The following TREH variants were observed in gnomAD, a reference collection of about 807,000 sequenced individuals.
The protein encoded by TREH is alpha,alpha-trehalose glucohydrolase.
TREH carries 69 observed loss-of-function variants against 80.5 expected under a neutral mutation model. The observed-to-expected ratio is 0.86, with a 90% CI of 0.71 to 1.05. TREH has a LOEUF of 1.05. Ranked by LOEUF, TREH falls within the 50% of genes least tolerant of loss-of-function variation. TREH has a pLI of 0.00. For synonymous variants in TREH, 309 were observed against 293.5 expected (o/e 1.05, Z -0.54); for missense variants, 716 against 718.8 (o/e 1.00, Z 0.04).
At chr11:118,670,789 G>C (rs1949423456) in intron 1 of TREH, among the ~76,000 whole-genome samples, 1 of 152,140 alleles carries the variant, frequency 6.6e-6, no homozygotes, top group African/African-American at 2.4e-5. Context: ...AGTGGTCTTG[G>C]CAAAATATGG....
In TREH at chr11:118,661,230, T is replaced by C; in HGVS notation, c.787A>G (p.Thr263Ala). 4 of 1,613,938 alleles carry C rather than the reference T, an allele frequency of 2.5e-6. No homozygotes were observed. The highest frequency in any genetic ancestry group is 2.2e-5 in the East Asian group (1 of 44,872). Residue 263 changes from threonine to alanine, a missense_variant, in exon 8 of 15, where the codon ACT becomes GCT. Coordinates refer to ENST00000264029, the MANE Select transcript of TREH (RefSeq NM_007180.3). The surrounding 1 kb of genome is among the most constrained non-coding windows in gnomAD (Gnocchi z 4.2). ...TTTCCCTCCAAGCTCACAGAGACAG[T>C]CCTGTTCTTGGTCCAAAAGTCCAAT... ...LELDFWTKNR[T>A]VSVSLEGKNY...
At position 118,661,500 on chromosome 11, in the gene TREH, A is replaced by G. The variant is rs782792436; in HGVS notation, c.627T>C (p.His209=). The change falls in exon 7 of 15, where the codon CAT becomes CAC. Residue 209 remains histidine, a synonymous_variant. Coordinates refer to ENST00000264029, the MANE Select transcript of TREH (RefSeq NM_007180.3). This position sits in a 1 kb window ranked among gnomAD's most constrained non-coding sequence, Gnocchi z 4.2. ...NFLDLVKTYG[H]VPNGGRVYYL... ...AGTACACGCGCCCACCATTGGGGAC[A>G]TGCCCATAGCTGCCAAGGGGAAGGC... 4 of 1,613,422 alleles carry G rather than the reference A, an allele frequency of 2.5e-6. No homozygotes were observed. The African/African-American group carries it at 4.0e-5, about 16-fold the overall frequency.
rs1591822864 is a variant in TREH, at chr11:118,657,785, A to G, written c.*504T>C. 3.7e-5 allele frequency: 6 copies of G among 161,180 alleles called. No individual in the cohort carries two copies. Among genetic ancestry groups the G allele is most frequent in the South Asian group, 3.5e-4 (2 of 5,660 alleles). 10.0% of individuals were successfully genotyped at this position (161,180 alleles called of 1,614,324 possible). On this transcript the variant is annotated 3_prime_UTR_variant, in exon 15 of 15. Transcript: ENST00000264029. ...AGAGAGAAAGCCTGAGCAGGAGATG[A>G]TGCAGCAGAGGGGAAGGGCCCTGTG...
At position 118,660,556 on chromosome 11, in the gene TREH, T is replaced by C. The variant is rs782054608; in HGVS notation, c.1085A>G (p.Asn362Ser). 3.7e-6 allele frequency: 6 copies of C among 1,606,400 alleles called. No individual in the cohort carries two copies. Among genetic ancestry groups the C allele is most frequent in the South Asian group, 3.3e-5 (3 of 89,678 alleles). Residue 362 changes from asparagine to serine, a missense_variant, in exon 10 of 15, where the codon AAC (asparagine) becomes AGC (serine). Transcript: ENST00000264029. The stretch of plus-strand genomic sequence containing the variant: ...GTGCTCACCCAGCCTGGAATAGAAG[T>C]TGCTCATCAGCTCCTCTGCTTGGCA... ...FLCQAEELMS[N>S]FYSRLGNDSQ...
chr11:118,658,968 CA>C lies in TREH; in HGVS notation c.1481del (p.Leu494ArgfsTer51), dbSNP rs868956311. Reference protein sequence around the residue: ...LRRAQEVAFQLAQNWIRTNFD... With the variant: ...LRRAQEVAFQXAQNWIRTNFD... ...AATTGGTTCGGATCCAATTCTGAGCCAGCTGGAAAGCCACTTCCTGGGCCCG... is the reference window on the plus strand; with the variant it reads ...AATTGGTTCGGATCCAATTCTGAGCCGCTGGAAAGCCACTTCCTGGGCCCG... On this transcript the variant is annotated frameshift_variant, in exon 13 of 15. Transcript: ENST00000264029. LOFTEE classifies it high-confidence loss of function. 2 of 1,613,910 alleles carry C rather than the reference CA, an allele frequency of 1.2e-6. No individual in the cohort carries two copies. The highest frequency in any genetic ancestry group is 2.7e-5 in the African/African-American group (2 of 75,026).
rs782613056 is a variant in TREH, at chr11:118,659,378, A to G, written c.1424T>C (p.Val475Ala). The G allele has an allele frequency of 6.3e-7, 1 of 1,577,118 alleles. No homozygotes were observed. The highest frequency in any genetic ancestry group is 1.2e-5 in the South Asian group (1 of 84,662). ...PNAWAPLQDL[V>A]IRGLAKAPLR... The stretch of plus-strand genomic sequence containing the variant: ...CAGCCCTGCCTCCCTACCTCTGATG[A>G]CCAGGTCCTGCAGGGGGGCCCAGGC... Residue 475 changes from valine (V) to alanine (A), a missense_variant, in exon 12 of 15, where the codon GTC becomes GCC. Transcript: ENST00000264029.
intron 1 of TREH, among the ~76,000 whole-genome samples, chr11:118,669,863 ATTGT>A (rs1457355394): frequency 6.6e-6 from 1 of 152,220 alleles, no homozygotes; most frequent in African/African-American, 2.4e-5. Flanking sequence ...GTATAATCAG[ATTGT>A]TTGTAACACA....
At chr11:118,678,696 G>T (rs1298044642) in intron 1 of TREH, among the ~76,000 whole-genome samples, 1 of 150,894 alleles carries the variant, frequency 6.6e-6, no homozygotes, top group Non-Finnish European at 1.5e-5. Context: ...TCTTGCAGGA[G>T]CTGGTAAAGT....
At chr11:118,669,851 G>A (rs1393004875) in intron 1 of TREH, among the ~76,000 whole-genome samples, 1 of 152,164 alleles carries the variant, frequency 6.6e-6, no homozygotes, top group African/African-American at 2.4e-5. Context: ...ATAACTAAAA[G>A]AGTATAATCA....
At position 118,663,154 on chromosome 11, in the gene TREH, T is replaced by C; in HGVS notation, c.233A>G (p.Asn78Ser). 6.2e-7 allele frequency: 1 copy of C among 1,613,666 alleles called. No individual in the cohort carries two copies. Among genetic ancestry groups the C allele is most frequent in the Non-Finnish European group, 8.5e-7 (1 of 1,179,750 alleles). ...CAGCTGCTCCCTGGGGATGCTGTGATTGTGGTCCCTGGACAGCTCAGTGAA... is the reference window on the plus strand; with the variant it reads ...CAGCTGCTCCCTGGGGATGCTGTGACTGTGGTCCCTGGACAGCTCAGTGAA... ...QTFTELSRDH[N>S]HSIPREQLQA... Residue 78 changes from asparagine (N) to serine (S), a missense_variant, in exon 3 of 15, where the codon AAT becomes AGT. Coordinates refer to ENST00000264029, the MANE Select transcript of TREH (RefSeq NM_007180.3).
At position 118,658,060 on chromosome 11, in the gene TREH, T is replaced by C. The variant is rs1949222308; in HGVS notation, c.*229A>G. Reference sequence around the variant, plus strand: ...GGAAGGCCGGTGTGGGGCTTGGCGCTGAGGCACTTGGGGATAGGTCTTCCC... The same window carrying C: ...GGAAGGCCGGTGTGGGGCTTGGCGCCGAGGCACTTGGGGATAGGTCTTCCC... On this transcript the variant is annotated 3_prime_UTR_variant, in exon 15 of 15. Transcript: ENST00000264029. 1 of 584,492 alleles carries C rather than the reference T, an allele frequency of 1.7e-6. No individual in the cohort carries two copies. Among genetic ancestry groups the C allele is most frequent in the South Asian group, 2.5e-5 (1 of 40,084 alleles). The allele number at this position is 584,492 out of a possible 1,614,324, so 36.2% of individuals were successfully genotyped here.
chr11:118,670,815 C>T (rs74933918), intron 1 of TREH, among the ~76,000 whole-genome samples: 1,725 of 152,296 alleles, frequency 0.011, 43 homozygotes, highest in African/African-American at 0.04. Context: ...CCCTTTCAGG[C>T]GTCAAGTATA....
rs372020058 is a variant in TREH at position 118,658,707 on chromosome 11, G to A, written c.1572C>T (p.Pro524=). 3.9e-5 allele frequency: 63 copies of A among 1,602,562 alleles called. No individual in the cohort carries two copies. The South Asian group carries it at 4.6e-4, about 12-fold the overall frequency. The change falls in exon 14 of 15, where the codon CCC becomes CCT. Residue 524 remains proline, a synonymous_variant. Transcript: ENST00000264029. ...EKYDVSNGGQ[P]GGGGEYEVQE... is the part of the protein sequence containing the mutation. Reference sequence around the variant, plus strand: ...GAACTTCATATTCTCCTCCCCCACCGGGCTGTCCACCGTTGCTGACGTCAT... The same window carrying A: ...GAACTTCATATTCTCCTCCCCCACCAGGCTGTCCACCGTTGCTGACGTCAT...
At chr11:118,663,223 C>G (rs1433340101) in intron 2 of TREH, 27 bp from the exon 3 acceptor site, 5 of 1,580,564 alleles carry the variant, frequency 3.2e-6, no homozygotes, top group African/African-American at 1.3e-5. Flanking sequence ...AGGGAGGGGT[C>G]AGCAGGGTGT....
chr11:118,659,110 G>A (rs1949271131), intron 12 of TREH, 93 bp from the exon 13 acceptor site: 5 of 1,336,744 alleles, frequency 3.7e-6, no homozygotes, highest in South Asian at 1.3e-5. Context: ...AGGGAAAGAG[G>A]CCTGGGCCCT....
rs1555145221 is a variant in TREH, at chr11:118,662,841, T to C, written c.423+40A>G. 3 of 1,551,276 alleles carry C rather than the reference T, an allele frequency of 1.9e-6. No homozygotes were observed. The South Asian group carries it at 3.6e-5, about 18-fold the overall frequency. On this transcript the variant is annotated intron_variant, in intron 4 of 14. Coordinates refer to ENST00000264029, the MANE Select transcript of TREH (RefSeq NM_007180.3). ...CCCCAGGCACATTCCTCTCTTCAGT[T>C]CCCTTGGTCAGGCCTTGGGCAGGCC...
chr11:118,677,288 A>T (rs1361955140), intron 1 of TREH, among the ~76,000 whole-genome samples: 1 of 152,270 alleles, frequency 6.6e-6, no homozygotes, highest in Non-Finnish European at 1.5e-5. Flanking sequence ...GTGCTGTCAC[A>T]TGTTATTGCT....
Position 118,661,148 on chromosome 11 carries a change from C to G in TREH, c.857+12G>C, listed in dbSNP as rs1555144863. Reference sequence around the variant, plus strand: ...GGTAAGAGATTGAGGGGTGGGCTGCCCAGTTCCTCACCTGGGTCCCCCATA... The same window carrying G: ...GGTAAGAGATTGAGGGGTGGGCTGCGCAGTTCCTCACCTGGGTCCCCCATA... On this transcript the variant is annotated intron_variant, in intron 8 of 14. Transcript: ENST00000264029. This position sits in a 1 kb window ranked among gnomAD's most constrained non-coding sequence, Gnocchi z 4.2. The G allele has an allele frequency of 1.2e-6, 2 of 1,613,736 alleles. No individual in the cohort carries two copies. The highest frequency in any genetic ancestry group is 1.7e-6 in the Non-Finnish European group (2 of 1,179,868).
At chr11:118,662,077 G>T in intron 4 of TREH, 87 bp from the exon 5 acceptor site, 1 of 1,091,950 alleles carries the variant, frequency 9.2e-7, no homozygotes, top group Non-Finnish European at 1.4e-6. Context: ...GGCCCCGGGA[G>T]TCACAGCTTT....
Sources: gnomAD v4.1 joint callset for allele counts (sites outside exome capture counted in the v4.1 genomes callset) on GRCh38, gnomAD v4.1.1 for gene constraint, Gnocchi (gnomAD v3.1) non-coding constraint, MANE v1.5 for transcripts, NCBI Gene and HGNC (gene_info 2026-07-23, HGNC 2026-07-21) for gene names.